PCDHA13: variants seen among roughly 807,000 people sequenced by gnomAD.
The protein encoded by PCDHA13 is protocadherin alpha 13.
Under a neutral mutation model 64.8 loss-of-function variants are expected in PCDHA13, and 54 were observed. That is an observed-to-expected ratio of 0.83 (90% confidence interval 0.67 to 1.04). PCDHA13 has a LOEUF of 1.04. PCDHA13 is among the 50% of genes least tolerant of loss of function. The pLI is 0.00. For synonymous variants in PCDHA13, 587 were observed against 564.4 expected, an observed-to-expected ratio of 1.04 and a Z score of -0.57; for missense variants, 1,248 against 1,254.3, an observed-to-expected ratio of 0.99 and a Z score of 0.08.
intron 3 of PCDHA13, among the ~76,000 whole-genome samples, chr5:141,005,731 A>AC (rs2098235322): frequency 6.7e-6 from 1 of 149,106 alleles, no homozygotes; most frequent in Non-Finnish European, 1.5e-5. Flanking sequence ...AAAAAAAAAA[A>AC]GAATGGATGA....
chr5:140,957,063 C>T (rs2095330338), intron 1 of PCDHA13, among the ~76,000 whole-genome samples: 2 of 152,058 alleles, frequency 1.3e-5, no homozygotes, highest in African/African-American at 4.8e-5. Flanking sequence ...ATAAATGTGA[C>T]TGAGGGCTTT....
intron 1 of PCDHA13, chr5:140,927,757 A>G (rs957906084): frequency 3.2e-5 from 51 of 1,614,028 alleles, no homozygotes; most frequent in Admixed American, 1.0e-4. Flanking sequence ...CGTGCACCCT[A>G]AAAGTGGGGA....
chr5:140,927,839 G>T (rs782594719), intron 1 of PCDHA13: 1 of 1,614,208 alleles, frequency 6.2e-7, no homozygotes, highest in South Asian at 1.1e-5. Context: ...AGGGACGAAG[G>T]TGTCTTTGGT....
chr5:140,968,727 G>A, intron 1 of PCDHA13: 1 of 1,614,162 alleles, frequency 6.2e-7, no homozygotes, highest in Admixed American at 1.7e-5. Context: ...GAGAGTGGTA[G>A]CACTTTCAAC....
intron 1 of PCDHA13, among the ~76,000 whole-genome samples, chr5:140,946,311 T>C (rs896667905): frequency 6.6e-6 from 1 of 151,784 alleles, no homozygotes; most frequent in Non-Finnish European, 1.5e-5. Flanking sequence ...AGAATGGCTA[T>C]TATTGAAAGA....
intron 1 of PCDHA13, chr5:140,968,757 A>G (rs1488596963): frequency 6.2e-7 from 1 of 1,614,204 alleles, no homozygotes; most frequent in Non-Finnish European, 8.5e-7. Flanking sequence ...GTGGTCCGAG[A>G]TAATGGAGAG....
At position 140,973,042 on chromosome 5, in the gene PCDHA13, T is replaced by C. The variant is rs78535788; in HGVS notation, c.2395-5907T>C. Among the ~76,000 whole-genome samples the C allele has an allele frequency of 5.1e-3, 779 of 152,252 alleles. 6 individuals carry two copies. Among genetic ancestry groups the C allele is most frequent in the African/African-American group, 0.018 (740 of 41,542 alleles). ...TGTTAATGAGTCACTTTGAGTACTCTAGTAGATTTGTCCAACAGTGTCTCA... is the reference window on the plus strand; with the variant it reads ...TGTTAATGAGTCACTTTGAGTACTCCAGTAGATTTGTCCAACAGTGTCTCA... On this transcript the variant is annotated intron_variant, in intron 1 of 3. Transcript: ENST00000289272.
intron 1 of PCDHA13, among the ~76,000 whole-genome samples, chr5:140,947,404 T>G (rs1305199507): frequency 6.6e-6 from 1 of 151,736 alleles, no homozygotes; most frequent in Non-Finnish European, 1.5e-5. Flanking sequence ...GTAGACTGTC[T>G]TGATATTGTA....
chr5:140,946,648 C>A (rs1195536248), intron 1 of PCDHA13, among the ~76,000 whole-genome samples: 2 of 99,274 alleles, frequency 2.0e-5, no homozygotes, highest in African/African-American at 1.2e-4. Flanking sequence ...GAATACTCAT[C>A]AGCCATTAGA....
At chr5:140,897,175 G>A (rs1293904744) in intron 1 of PCDHA13, among the ~76,000 whole-genome samples, 3 of 151,828 alleles carry the variant, frequency 2.0e-5, no homozygotes, top group Admixed American at 6.6e-5. Flanking sequence ...ATCTCCATGG[G>A]TTCAAAAAAT....
At position 140,969,226 on chromosome 5, in the gene PCDHA13, G is replaced by A. The variant is rs145631723; in HGVS notation, c.2395-9723G>A. 3.9e-4 allele frequency: 622 copies of A among 1,614,150 alleles called. 3 individuals are homozygous for A. The African/African-American group carries it at 5.9e-3, about 15-fold the overall frequency. On this transcript the variant is annotated intron_variant, in intron 1 of 3. Transcript: ENST00000289272. Reference sequence around the variant, plus strand: ...GGGCCCAGACAGGACCAGGGCCTTCGGGAGCCCAAGCAGCAGTGACTGACA... The same window carrying A: ...GGGCCCAGACAGGACCAGGGCCTTCAGGAGCCCAAGCAGCAGTGACTGACA...
At chr5:140,941,424 C>A (rs909959554) in intron 1 of PCDHA13, among the ~76,000 whole-genome samples, 2 of 148,790 alleles carry the variant, frequency 1.3e-5, no homozygotes, top group African/African-American at 5.0e-5. Flanking sequence ...TCAAGCAATT[C>A]TCTGCCTCAG....
chr5:140,884,396 C>T lies in PCDHA13; in HGVS notation c.2128C>T (p.Leu710=), dbSNP rs2060144550. 6.2e-7 allele frequency: 1 copy of T among 1,614,012 alleles called. No homozygotes were observed. Among genetic ancestry groups the T allele is most frequent in the Middle Eastern group, 1.6e-4 (1 of 6,062 alleles). ...LIIAICAVSS[L]LVLTLLLYTA... is the part of the protein sequence containing the mutation. ...CATTGCCATCTGCGCGGTGTCCAGC[C>T]TGTTGGTGCTCACGTTGCTGCTGTA... Residue 710 remains leucine (L), a synonymous_variant, in exon 1 of 4, where the codon CTG becomes TTG. Coordinates refer to ENST00000289272, the MANE Select transcript of PCDHA13 (RefSeq NM_018904.3).
In PCDHA13 at chr5:141,009,709, C is replaced by A; in HGVS notation, c.2625C>A (p.Asn875Lys). The A allele has an allele frequency of 6.2e-7, 1 of 1,614,118 alleles. No homozygotes were observed. Among genetic ancestry groups the A allele is most frequent in the Non-Finnish European group, 8.5e-7 (1 of 1,180,024 alleles). Reference sequence around the variant, plus strand: ...GGACCTTTAAATACGGACCAGGCAACCCCAAACAATCCGGTCCCGGTGAGT... The same window carrying A: ...GGACCTTTAAATACGGACCAGGCAAACCCAAACAATCCGGTCCCGGTGAGT... ...NSWTFKYGPG[N>K]PKQSGPGELP... is the part of the protein sequence containing the mutation. The change falls in exon 4 of 4, where the codon AAC (asparagine) becomes AAA (lysine). Residue 875 changes from asparagine (N) to lysine (K), a missense_variant. Physicochemically the swap from Asn to Lys is moderately conservative, Grantham distance 94. Transcript: ENST00000289272.
At chr5:140,962,295 A>G (rs1215334325) in intron 1 of PCDHA13, among the ~76,000 whole-genome samples, 2 of 152,196 alleles carry the variant, frequency 1.3e-5, no homozygotes, top group African/African-American at 4.8e-5. Flanking sequence ...TTAATATTCT[A>G]TGATTCTTGT....
At chr5:140,966,998 C>A in intron 1 of PCDHA13, 1 of 1,604,774 alleles carries the variant, frequency 6.2e-7, no homozygotes, top group Non-Finnish European at 8.5e-7. Flanking sequence ...GGGTTGCTTG[C>A]GCATCAACCA....
rs782334415 is a variant in PCDHA13 at position 141,009,744 on chromosome 5, A to T, written c.2660A>T (p.Lys887Ile). 8.1e-6 allele frequency: 13 copies of T among 1,614,028 alleles called. No homozygotes were observed. Among genetic ancestry groups the T allele is most frequent in the Non-Finnish European group, 1.1e-5 (13 of 1,180,034 alleles). The change falls in exon 4 of 4, where the codon AAA becomes ATA. Residue 887 changes from lysine (K) to isoleucine (I), a missense_variant. Transcript: ENST00000289272. Reference protein sequence around the residue: ...KQSGPGELPDKFIIPGSPAII... With the variant: ...KQSGPGELPDIFIIPGSPAII... ...TCCGGTCCCGGTGAGTTGCCCGACA[A>T]ATTCATTATCCCAGGATCTCCTGCA...
chr5:140,928,334 C>CT, intron 1 of PCDHA13: 1 of 1,614,158 alleles, frequency 6.2e-7, no homozygotes, highest in Non-Finnish European at 8.5e-7. Flanking sequence ...GGCCTTGTCT[C>CT]TTATGAGCTG....
intron 3 of PCDHA13, among the ~76,000 whole-genome samples, chr5:140,994,027 A>G (rs1237081548): frequency 2.6e-5 from 4 of 152,234 alleles, no homozygotes; most frequent in Non-Finnish European, 2.9e-5. Context: ...TGCAGATATA[A>G]TATTAAATAT....
Sources: gnomAD v4.1 joint callset for allele counts (sites outside exome capture counted in the v4.1 genomes callset) on GRCh38, gnomAD v4.1.1 for gene constraint, MANE v1.5 for transcripts, NCBI Gene and HGNC (gene_info 2026-07-23, HGNC 2026-07-21) for gene names.